The following DCDC1 variants were observed in gnomAD, a reference collection of about 807,000 sequenced individuals.
DCDC1 encodes doublecortin domain-containing protein 1.
A neutral mutation model predicts 178.3 loss-of-function variants in DCDC1; 200 were observed. The observed-to-expected ratio is 1.12, with a 90% CI of 1.00 to 1.26. The LOEUF (loss-of-function observed/expected upper bound fraction) is 1.26. DCDC1 is among the 50% of genes most tolerant of loss of function. DCDC1 has a pLI of 0.00. For missense variants in DCDC1, 1,983 were observed against 1,749.2 expected (o/e 1.13, Z -2.38); for synonymous variants, 690 against 604.8 (o/e 1.14, Z -2.07).
rs928122875 is a variant in DCDC1, at chr11:31,322,534, G to A, written c.164+5583C>T. Among the ~76,000 whole-genome samples the A allele has an allele frequency of 2.0e-5, 3 of 151,876 alleles. 1 individual carries two copies. Among genetic ancestry groups the A allele is most frequent in the Admixed American group, 1.3e-4 (2 of 15,250 alleles). On this transcript the variant is annotated intron_variant, in intron 3 of 38. Coordinates refer to ENST00000684477, the MANE Select transcript of DCDC1 (RefSeq NM_001387274.1). ...AGTAATCTGCTTGTGATCTAATTTTGGCCAATGAGACATAAAAAATCTTTT... is the reference window on the plus strand; with the variant it reads ...AGTAATCTGCTTGTGATCTAATTTTAGCCAATGAGACATAAAAAATCTTTT...
intron 3 of DCDC1, among the ~76,000 whole-genome samples, chr11:31,326,471 C>T (rs1949654202): frequency 6.6e-6 from 1 of 151,900 alleles, no homozygotes; most frequent in African/African-American, 2.4e-5. Context: ...ATATTAAAGG[C>T]AATAAAAATA....
chr11:30,913,545 A>G (rs1248472750), intron 27 of DCDC1, among the ~76,000 whole-genome samples: 1 of 152,166 alleles, frequency 6.6e-6, no homozygotes, highest in Non-Finnish European at 1.5e-5. Context: ...GACGTTTCCA[A>G]TGACGGATCA....
intron 4 of DCDC1, 57 bp from the exon 5 acceptor site, chr11:31,306,445 A>C (rs1948466251): frequency 6.7e-7 from 1 of 1,502,722 alleles, no homozygotes; most frequent in Admixed American, 2.3e-5. Flanking sequence ...AAGCTTTTAA[A>C]TAAATATTAT....
At chr11:31,241,424 G>A (rs994796463) in intron 9 of DCDC1, 26 bp downstream of exon 9, 4 of 395,818 alleles carry the variant, frequency 1.0e-5, no homozygotes, top group Non-Finnish European at 1.8e-5. Flanking sequence ...ATATAATAAA[G>A]AAATTTTTAA....
At chr11:30,978,518 T>C (rs1035816085) in intron 20 of DCDC1, among the ~76,000 whole-genome samples, 3 of 152,216 alleles carry the variant, frequency 2.0e-5, no homozygotes, top group Non-Finnish European at 2.9e-5. Flanking sequence ...TACATATTTA[T>C]GGGGTAAATG....
intron 37 of DCDC1, among the ~76,000 whole-genome samples, chr11:30,880,606 C>G (rs576939044): frequency 1.3e-5 from 2 of 151,972 alleles, no homozygotes; most frequent in Admixed American, 1.3e-4. Flanking sequence ...TAATATATAC[C>G]TACCTACAAA....
intron 21 of DCDC1, among the ~76,000 whole-genome samples, chr11:30,947,630 G>A: frequency 6.6e-6 from 1 of 152,026 alleles, no homozygotes; most frequent in Non-Finnish European, 1.5e-5. Context: ...ACATTAAGAA[G>A]TAACTTCAGC....
intron 8 of DCDC1, among the ~76,000 whole-genome samples, chr11:31,250,224 G>T (rs1943881308): frequency 6.6e-6 from 1 of 150,992 alleles, no homozygotes; most frequent in Non-Finnish European, 1.5e-5. Context: ...CCTCTATTTA[G>T]AATTCATGAT....
At chr11:30,981,259 T>G (rs931460288) in intron 20 of DCDC1, among the ~76,000 whole-genome samples, 2 of 152,114 alleles carry the variant, frequency 1.3e-5, no homozygotes, top group African/African-American at 4.8e-5. Flanking sequence ...ATTTGAGTGA[T>G]GGGCACACTA....
At position 30,873,049 on chromosome 11, in the gene DCDC1, G is replaced by T. The variant is rs1170284412; in HGVS notation, c.*40+5495C>A. Among the ~76,000 whole-genome samples, 6 of 149,662 alleles carry T rather than the reference G, an allele frequency of 4.0e-5. No homozygotes were observed. In the East Asian group the frequency reaches 1.2e-3, roughly 29 times the overall value. On this transcript the variant is annotated intron_variant, in intron 38 of 38. Transcript: ENST00000684477. ...ATATATATATTCATGCATATACCAT[G>T]TATATACAAGCTGGTCTCTCTCTCT...
chr11:31,297,985 C>T (rs1947822864), intron 6 of DCDC1, among the ~76,000 whole-genome samples: 2 of 152,126 alleles, frequency 1.3e-5, no homozygotes, highest in African/African-American at 4.8e-5. Flanking sequence ...CCACCTTGGG[C>T]ACATGTCATC....
chr11:31,198,556 ATGCCACTACT>A (rs1322729900), intron 9 of DCDC1, among the ~76,000 whole-genome samples: 1 of 152,052 alleles, frequency 6.6e-6, no homozygotes, highest in Admixed American at 6.6e-5. Context: ...TGCCACTAAA[ATGCCACTACT>A]TGCTAGCGTT....
At chr11:31,018,753 T>C (rs1185303702) in intron 20 of DCDC1, among the ~76,000 whole-genome samples, 1 of 152,138 alleles carries the variant, frequency 6.6e-6, no homozygotes, top group African/African-American at 2.4e-5. Context: ...AGATATTTAG[T>C]ATAATGTTGT....
At chr11:31,243,855 A>G (rs542917856) in intron 8 of DCDC1, among the ~76,000 whole-genome samples, 1 of 151,894 alleles carries the variant, frequency 6.6e-6, no homozygotes, top group South Asian at 2.1e-4. Context: ...CTTGTTGAAT[A>G]ATCTGTTCAG....
chr11:30,873,318 A>C (rs1193613152), intron 38 of DCDC1, among the ~76,000 whole-genome samples: 1 of 146,720 alleles, frequency 6.8e-6, no homozygotes, highest in Non-Finnish European at 1.5e-5. Flanking sequence ...AAAATGTATA[A>C]ATATATAAAA....
intron 17 of DCDC1, among the ~76,000 whole-genome samples, chr11:31,087,303 A>C (rs956865532): frequency 1.3e-5 from 2 of 151,900 alleles, no homozygotes; most frequent in Admixed American, 6.6e-5. Flanking sequence ...TAATCTTTTC[A>C]AAAAAATCCA....
chr11:31,016,801 C>T (rs772848851), intron 20 of DCDC1, among the ~76,000 whole-genome samples: 67 of 152,096 alleles, frequency 4.4e-4, no homozygotes, highest in Admixed American at 4.1e-3. Flanking sequence ...GTCTGGGGTT[C>T]GACCTAGGCT....
At chr11:31,204,276 C>A (rs1359297904) in intron 9 of DCDC1, among the ~76,000 whole-genome samples, 2 of 151,770 alleles carry the variant, frequency 1.3e-5, no homozygotes, top group Non-Finnish European at 2.9e-5. Flanking sequence ...TAAGAATGAG[C>A]TAAAATAATT....
At chr11:30,893,104 G>GA (rs1262061995) in intron 35 of DCDC1, 107 bp from the exon 36 acceptor site, 6 of 1,318,426 alleles carry the variant, frequency 4.6e-6, no homozygotes, top group Non-Finnish European at 6.1e-6. Flanking sequence ...AAATTATATG[G>GA]AAAAAATTTT....
Sources: gnomAD v4.1 joint callset for allele counts (sites outside exome capture counted in the v4.1 genomes callset) on GRCh38, gnomAD v4.1.1 for gene constraint, MANE v1.5 for transcripts, NCBI Gene and HGNC (gene_info 2026-07-23, HGNC 2026-07-21) for gene names.